The following DLGAP2 variants were observed in gnomAD, a reference collection of about 807,000 sequenced individuals.
DLGAP2 encodes DLG associated protein 2, also known as disks large-associated protein 2.
Under a neutral mutation model 100.3 loss-of-function variants are expected in DLGAP2, and 26 were observed. The ratio of observed to expected loss-of-function variants is 0.26; its 90% CI spans 0.19 to 0.36. The LOEUF (loss-of-function observed/expected upper bound fraction) is 0.36. Ranked by LOEUF, DLGAP2 falls within the 10% of genes least tolerant of loss-of-function variation. The pLI is 1.00. For synonymous variants in DLGAP2, 886 were observed against 630.1 expected, an observed-to-expected ratio of 1.41 and a Z score of -6.08; for missense variants, 1,858 against 1,453.2, an observed-to-expected ratio of 1.28 and a Z score of -4.53.
At chr8:1,602,257 T>C (rs1796652004) in intron 6 of DLGAP2, among the ~76,000 whole-genome samples, 1 of 152,162 alleles carries the variant, frequency 6.6e-6, no homozygotes, top group South Asian at 2.1e-4. Context: ...AATGTTGTTA[T>C]TTCTAATTAA....
chr8:1,307,685 C>G (rs1163207365), intron 3 of DLGAP2, among the ~76,000 whole-genome samples: 2 of 152,252 alleles, frequency 1.3e-5, no homozygotes, highest in Admixed American at 1.3e-4. Flanking sequence ...AACATTTAGC[C>G]TTAAAAAGAA....
intron 3 of DLGAP2, among the ~76,000 whole-genome samples, chr8:1,441,824 C>T (rs992016864): frequency 1.1e-4 from 16 of 147,288 alleles, no homozygotes; most frequent in Non-Finnish European, 1.6e-4. Context: ...ATTTAAAGTT[C>T]TGGGATGTGC....
chr8:840,638 T>C (rs77895126), intron 1 of DLGAP2, among the ~76,000 whole-genome samples: 7,658 of 37,076 alleles, frequency 0.21, 1,355 homozygotes, highest in Admixed American at 0.37. Flanking sequence ...CACGCCTGCA[T>C]GTCTCCCTAC....
At chr8:951,919 G>A (rs1799489342) in intron 2 of DLGAP2, among the ~76,000 whole-genome samples, 1 of 152,242 alleles carries the variant, frequency 6.6e-6, no homozygotes. Flanking sequence ...TGGAAGCAAA[G>A]TAACTTGAAG....
chr8:1,069,242 G>A (rs978255201), intron 2 of DLGAP2, among the ~76,000 whole-genome samples: 2 of 152,204 alleles, frequency 1.3e-5, no homozygotes, highest in African/African-American at 4.8e-5. Flanking sequence ...TGGTGGGCAG[G>A]GAAGTGGGAG....
chr8:1,432,731 G>T (rs960257898), intron 3 of DLGAP2, among the ~76,000 whole-genome samples: 4 of 152,232 alleles, frequency 2.6e-5, no homozygotes, highest in Non-Finnish European at 5.9e-5. Context: ...AGATGCCAGG[G>T]CCTCTGGGGA....
chr8:1,181,737 G>A (rs111683382), intron 2 of DLGAP2, among the ~76,000 whole-genome samples: 11 of 152,252 alleles, frequency 7.2e-5, no homozygotes, highest in East Asian at 1.9e-4. Context: ...TTGCAATACT[G>A]AAGCAAAAGC....
chr8:823,112 T>A (rs1367966279), intron 1 of DLGAP2, among the ~76,000 whole-genome samples: 3 of 152,184 alleles, frequency 2.0e-5, no homozygotes, highest in African/African-American at 7.2e-5. Flanking sequence ...TTCCTTCTTT[T>A]ACGTCTCACT....
chr8:1,255,902 G>A (rs1439169832), intron 2 of DLGAP2, among the ~76,000 whole-genome samples: 9 of 118,066 alleles, frequency 7.6e-5, no homozygotes, highest in Non-Finnish European at 1.5e-4. Flanking sequence ...CTATGTGTGT[G>A]TCTTCTCCTG....
At chr8:1,449,480 C>T (rs1798076466) in intron 3 of DLGAP2, among the ~76,000 whole-genome samples, 1 of 152,120 alleles carries the variant, frequency 6.6e-6, no homozygotes, top group African/African-American at 2.4e-5. Context: ...GGGACGGCAC[C>T]AGCGGGCATG....
intron 3 of DLGAP2, among the ~76,000 whole-genome samples, chr8:1,327,978 G>A (rs752797538): frequency 1.3e-5 from 2 of 152,222 alleles, no homozygotes; most frequent in Non-Finnish European, 2.9e-5. Context: ...CCTGGAGGCA[G>A]AGCAGAGCCC....
intron 5 of DLGAP2, among the ~76,000 whole-genome samples, chr8:1,549,885 A>C (rs1251543684): frequency 1.3e-5 from 2 of 152,184 alleles, no homozygotes; most frequent in African/African-American, 4.8e-5. Flanking sequence ...TTTTGGTGGG[A>C]GCACTTAAAA....
At chr8:1,464,388 TCCGGAA>T (rs1798560200) in intron 3 of DLGAP2, among the ~76,000 whole-genome samples, 1 of 33,738 alleles carries the variant, frequency 3.0e-5, no homozygotes, top group Admixed American at 3.5e-4. Context: ...ATGGCACCCT[TCCGGAA>T]TGGCATCCTT....
At chr8:1,002,585 G>A (rs1584962964) in intron 2 of DLGAP2, 2 of 152,222 alleles carry the variant, frequency 1.3e-5, no homozygotes, top group Admixed American at 1.3e-4. Context: ...TCAAGGCTGT[G>A]GTCAGCAGAA....
chr8:1,533,511 A>G (rs1563205352), intron 4 of DLGAP2, among the ~76,000 whole-genome samples: 1 of 152,140 alleles, frequency 6.6e-6, no homozygotes, highest in South Asian at 2.1e-4. Context: ...GTCTCCAAAA[A>G]AAAAAAGAAT....
At chr8:1,373,345 G>C (rs183028809) in intron 3 of DLGAP2, among the ~76,000 whole-genome samples, 268 of 151,404 alleles carry the variant, frequency 1.8e-3, no homozygotes, top group Middle Eastern at 0.014. Flanking sequence ...GAGGCGCCGC[G>C]CCTGGACCGT....
intron 8 of DLGAP2, among the ~76,000 whole-genome samples, chr8:1,657,841 G>A (rs1243538866): frequency 1.3e-5 from 2 of 152,164 alleles, no homozygotes; most frequent in East Asian, 1.9e-4. Flanking sequence ...AAACAGCTTC[G>A]TTGTCTGGGG....
chr8:1,036,225 G>T (rs530816145), intron 2 of DLGAP2, among the ~76,000 whole-genome samples: 1 of 152,078 alleles, frequency 6.6e-6, no homozygotes, highest in East Asian at 1.9e-4. Context: ...GACCCCGCGT[G>T]TCACCGCGAG....
chr8:1,332,252 A>G (rs1157689189), intron 3 of DLGAP2, among the ~76,000 whole-genome samples: 1 of 152,106 alleles, frequency 6.6e-6, no homozygotes, highest in Non-Finnish European at 1.5e-5. Context: ...GAGTATATGC[A>G]TGTGTATATG....
Sources: gnomAD v4.1 joint callset for allele counts (sites outside exome capture counted in the v4.1 genomes callset) on GRCh38, gnomAD v4.1.1 for gene constraint, MANE v1.5 for transcripts, NCBI Gene and HGNC (gene_info 2026-07-23, HGNC 2026-07-21) for gene names.